Variants in MTOR observed in about 807,000 individuals in gnomAD.
The protein encoded by MTOR is serine/threonine-protein kinase mTOR.
Under a neutral mutation model 319.8 loss-of-function variants are expected in MTOR, and 70 were observed. That is an observed-to-expected ratio of 0.22 (90% CI 0.18 to 0.27). MTOR has a LOEUF of 0.27. MTOR is among the 10% of genes least tolerant of loss of function. The probability of loss-of-function intolerance (pLI) is 1.00; values close to 1 mark genes in which losing one functional copy is unlikely to be tolerated. For missense variants in MTOR, 1,890 were observed against 3,274.4 expected (o/e 0.58, Z 10.32); for synonymous variants, 1,183 against 1,211.4 (o/e 0.98, Z 0.49).
intron 28 of MTOR, among the ~76,000 whole-genome samples, chr1:11,193,258 C>A (rs1571126011): frequency 6.6e-6 from 1 of 151,578 alleles, no homozygotes; most frequent in African/African-American, 2.4e-5. Context: ...TGCAGTGAGC[C>A]GAGATTGCAC....
At chr1:11,163,358 T>C (rs893898909) in intron 29 of MTOR, among the ~76,000 whole-genome samples, 19 of 152,126 alleles carry the variant, frequency 1.2e-4, no homozygotes, top group Admixed American at 6.5e-5. Context: ...CACCCCACTG[T>C]CAACATTAGA....
chr1:11,186,367 C>T (rs1004433582), intron 28 of MTOR, among the ~76,000 whole-genome samples: 1 of 152,130 alleles, frequency 6.6e-6, no homozygotes, highest in Non-Finnish European at 1.5e-5. Flanking sequence ...CCTCAGACTA[C>T]CTTGGTGCCA....
At chr1:11,173,670 T>C (rs1644895287) in intron 28 of MTOR, among the ~76,000 whole-genome samples, 3 of 152,156 alleles carry the variant, frequency 2.0e-5, no homozygotes, top group South Asian at 4.1e-4. Context: ...CTCTTCCCCC[T>C]TTTTCACTTT....
At chr1:11,185,045 T>C (rs922978572) in intron 28 of MTOR, among the ~76,000 whole-genome samples, 3 of 152,230 alleles carry the variant, frequency 2.0e-5, no homozygotes, top group Admixed American at 6.5e-5. Flanking sequence ...TTCCTGGCTA[T>C]TTCCTCCTTT....
rs769639719 is a variant in MTOR, at chr1:11,212,503, G to A, written c.3399-29C>T. 1.2e-6 allele frequency: 2 copies of A among 1,602,174 alleles called. No homozygotes were observed. Among genetic ancestry groups the A allele is most frequent in the East Asian group, 2.2e-5 (1 of 44,800 alleles). On this transcript the variant is annotated intron_variant, in intron 22 of 57. Coordinates refer to ENST00000361445, the MANE Select transcript of MTOR (RefSeq NM_004958.4). This position sits in a 1 kb window ranked among gnomAD's most constrained non-coding sequence, Gnocchi z 4.1. ...CAACAATCACTAACATACAGTAACTGCTAACATACAATCTCCAAGGAAGAG... is the reference window on the plus strand; with the variant it reads ...CAACAATCACTAACATACAGTAACTACTAACATACAATCTCCAAGGAAGAG...
chr1:11,136,520 C>G (rs1288671762), intron 36 of MTOR, among the ~76,000 whole-genome samples: 1 of 152,146 alleles, frequency 6.6e-6, no homozygotes, highest in Non-Finnish European at 1.5e-5. Context: ...CCTTTAGAGA[C>G]AGGGTCTCTC....
intron 32 of MTOR, 151 bp downstream of exon 32, chr1:11,146,525 A>T (rs1362456431): frequency 4.7e-6 from 3 of 643,654 alleles, no homozygotes; most frequent in East Asian, 2.7e-5. Flanking sequence ...CAGTCTTCTG[A>T]GTACAATGAA....
At chr1:11,175,858 CT>C (rs1388098188) in intron 28 of MTOR, among the ~76,000 whole-genome samples, 1 of 152,022 alleles carries the variant, frequency 6.6e-6, no homozygotes, top group Non-Finnish European at 1.5e-5. Flanking sequence ...ATTCTCATGC[CT>C]CAGTCTCTCC....
chr1:11,246,459 A>T (rs575039068), intron 8 of MTOR, among the ~76,000 whole-genome samples: 1 of 152,350 alleles, frequency 6.6e-6, no homozygotes, highest in Non-Finnish European at 1.5e-5. Context: ...AGAAACTAAC[A>T]AAATACGGGT....
At chr1:11,259,113 G>T in intron 2 of MTOR, 135 bp downstream of exon 2, 2 of 1,057,200 alleles carry the variant, frequency 1.9e-6, no homozygotes, top group Non-Finnish European at 1.3e-6. Flanking sequence ...TTATGGATGT[G>T]ACAGGTTGGG....
At chr1:11,244,296 T>TAA (rs35865993) in intron 8 of MTOR, among the ~76,000 whole-genome samples, 1,706 of 88,954 alleles carry the variant, frequency 0.019, 61 homozygotes, top group African/African-American at 0.068. Context: ...ACATCTCATT[T>TAA]AAAAAAAAAA....
Position 11,257,089 on chromosome 1 carries a change from G to C in MTOR, c.348C>G (p.Pro116=), listed in dbSNP as rs558389352. 1 of 1,614,176 alleles carries C rather than the reference G, an allele frequency of 6.2e-7. No homozygotes were observed. Among genetic ancestry groups the C allele is most frequent in the Non-Finnish European group, 8.5e-7 (1 of 1,180,020 alleles). ...TTTCCATGACAACTGGGTCATTGGA[G>C]GGGAGGAGGTTCCGAAGATAGTTGG... The part of the protein sequence containing the change: ...RFANYLRNLL[P]SNDPVVMEMA... Residue 116 remains proline, a synonymous_variant, in exon 4 of 58, where the codon CCC becomes CCG. Transcript: ENST00000361445.
intron 28 of MTOR, chr1:11,195,078 G>A (rs1571135372): frequency 8.4e-6 from 13 of 1,553,732 alleles, no homozygotes; most frequent in Middle Eastern, 4.5e-4. Context: ...GAGACTGGAT[G>A]AGGGCAGATG....
At chr1:11,224,696 A>G (rs1459878355) in intron 19 of MTOR, among the ~76,000 whole-genome samples, 1 of 152,228 alleles carries the variant, frequency 6.6e-6, no homozygotes, top group African/African-American at 2.4e-5. Flanking sequence ...GCAAGCATGA[A>G]AGAATCATAA....
chr1:11,113,644 G>A (rs996283621), intron 53 of MTOR, among the ~76,000 whole-genome samples: 3 of 151,012 alleles, frequency 2.0e-5, no homozygotes, highest in African/African-American at 7.3e-5. Context: ...AAGGTCTCAC[G>A]CTGTCACCTA....
At chr1:11,206,120 A>T (rs1250999255) in intron 25 of MTOR, among the ~76,000 whole-genome samples, 1 of 152,252 alleles carries the variant, frequency 6.6e-6, no homozygotes, top group African/African-American at 2.4e-5. Flanking sequence ...GAGACTAGAT[A>T]CCAAAGACTG....
chr1:11,255,992 C>T lies in MTOR; in HGVS notation c.705G>A (p.Arg235=). ...GGTGGGAATGGAGCCATCTCCTTACCCTGTACCACTGAGGCTTCTGCATCT... is the reference window on the plus strand; with the variant it reads ...GGTGGGAATGGAGCCATCTCCTTACTCTGTACCACTGAGGCTTCTGCATCT... ...PKEMQKPQWY[R]HTFEEAEKGF... Residue 235 remains arginine, a splice_region_variant and synonymous_variant, in exon 5 of 58, where the codon AGG becomes AGA. Coordinates refer to ENST00000361445, the MANE Select transcript of MTOR (RefSeq NM_004958.4). 1.2e-6 allele frequency: 2 copies of T among 1,613,652 alleles called. No individual in the cohort carries two copies. The highest frequency in any genetic ancestry group is 2.2e-5 in the South Asian group (2 of 91,032).
intron 9 of MTOR, among the ~76,000 whole-genome samples, chr1:11,242,623 C>CT (rs112326595): frequency 0.01 from 1,596 of 152,336 alleles, 37 homozygotes; most frequent in African/African-American, 0.037. Flanking sequence ...CACTGACCCC[C>CT]TCGCCTTAGC....
At chr1:11,192,293 C>T in intron 28 of MTOR, 1 of 1,614,002 alleles carries the variant, frequency 6.2e-7, no homozygotes, top group East Asian at 2.2e-5. Flanking sequence ...CTGCTCTTCC[C>T]TCTACCAGAA....
Sources: allele counts gnomAD v4.1 joint callset (sites outside exome capture counted in the v4.1 genomes callset), GRCh38; gene constraint gnomAD v4.1.1; non-coding constraint Gnocchi (gnomAD v3.1); transcripts MANE v1.5; gene names NCBI Gene and HGNC (gene_info 2026-07-23, HGNC 2026-07-21).